The following GRM5 variants were observed in gnomAD, a reference collection of about 807,000 sequenced individuals.
GRM5 encodes the protein metabotropic glutamate receptor 5.
GRM5 carries 19 observed loss-of-function variants against 83.1 expected under a neutral mutation model. The ratio of observed to expected loss-of-function variants is 0.23; its 90% CI spans 0.16 to 0.34. The LOEUF (loss-of-function observed/expected upper bound fraction) is 0.34. GRM5 is among the 10% of genes least tolerant of loss of function. The probability of loss-of-function intolerance (pLI) is 1.00; values close to 1 mark genes in which losing one functional copy is unlikely to be tolerated. For missense variants in GRM5, 1,160 were observed against 1,588.3 expected, an observed-to-expected ratio of 0.73 and a Z score of 4.58; for synonymous variants, 675 against 633.6, an observed-to-expected ratio of 1.07 and a Z score of -0.98.
At chr11:88,980,682 G>A (rs1187825999) in intron 2 of GRM5, among the ~76,000 whole-genome samples, 2 of 151,994 alleles carry the variant, frequency 1.3e-5, no homozygotes, top group East Asian at 1.9e-4. Flanking sequence ...AGTTAGTCGG[G>A]CGTGGTGGCA....
At chr11:88,708,684 T>G (rs140799440) in intron 3 of GRM5, among the ~76,000 whole-genome samples, 2 of 152,144 alleles carry the variant, frequency 1.3e-5, no homozygotes, top group East Asian at 3.9e-4. Context: ...TAATTTACTT[T>G]TTCTAAATTT....
At chr11:88,559,927 G>T (rs1183536900) in intron 8 of GRM5, among the ~76,000 whole-genome samples, 1 of 152,144 alleles carries the variant, frequency 6.6e-6, no homozygotes, top group Non-Finnish European at 1.5e-5. Context: ...ACTTAATGCA[G>T]TCTCAGAGGG....
chr11:88,727,060 G>A (rs906759423), intron 3 of GRM5, among the ~76,000 whole-genome samples: 1 of 152,138 alleles, frequency 6.6e-6, no homozygotes, highest in African/African-American at 2.4e-5. Context: ...AAATGTAAAT[G>A]GGCTAAATGC....
At chr11:88,542,832 G>A (rs572186331) in intron 8 of GRM5, among the ~76,000 whole-genome samples, 3 of 152,190 alleles carry the variant, frequency 2.0e-5, no homozygotes, top group African/African-American at 7.2e-5. Context: ...ACTTTGGGAG[G>A]AAGAGGCTGG....
intron 3 of GRM5, among the ~76,000 whole-genome samples, chr11:88,755,802 T>A (rs1230723708): frequency 6.6e-6 from 1 of 152,104 alleles, no homozygotes; most frequent in Non-Finnish European, 1.5e-5. Context: ...TCTGGCACTT[T>A]TATTGTCAAG....
At chr11:88,985,737 G>T (rs1296425153) in intron 2 of GRM5, among the ~76,000 whole-genome samples, 1 of 152,024 alleles carries the variant, frequency 6.6e-6, no homozygotes, top group Admixed American at 6.6e-5. Context: ...AGCATTTTTT[G>T]TCCTTTTCTA....
chr11:88,988,954 A>G (rs1401279618), intron 2 of GRM5, among the ~76,000 whole-genome samples: 3 of 149,768 alleles, frequency 2.0e-5, no homozygotes, highest in Admixed American at 6.7e-5. Flanking sequence ...TGCATCAACT[A>G]ATGAGCAAAA....
chr11:88,792,420 G>A (rs1320219911), intron 3 of GRM5, among the ~76,000 whole-genome samples: 1 of 152,098 alleles, frequency 6.6e-6, no homozygotes, highest in Admixed American at 6.6e-5. Context: ...CTAAACATAT[G>A]TGGTAATGTG....
chr11:88,860,800 T>C (rs1319731239), intron 2 of GRM5, among the ~76,000 whole-genome samples: 2 of 152,164 alleles, frequency 1.3e-5, no homozygotes, highest in East Asian at 1.9e-4. Context: ...TGCACTGTCA[T>C]TGTTGCCAAA....
chr11:88,853,234 G>C (rs1469763286), intron 2 of GRM5, among the ~76,000 whole-genome samples: 1 of 152,060 alleles, frequency 6.6e-6, no homozygotes, highest in East Asian at 1.9e-4. Flanking sequence ...GTCAATCATT[G>C]ATTTTCAACC....
At chr11:88,944,598 A>C (rs576442035) in intron 2 of GRM5, among the ~76,000 whole-genome samples, 1 of 151,838 alleles carries the variant, frequency 6.6e-6, no homozygotes, top group Non-Finnish European at 1.5e-5. Context: ...CATGCAGTAC[A>C]TTAGATCTCC....
chr11:88,770,134 A>C (rs1408361769), intron 3 of GRM5, among the ~76,000 whole-genome samples: 1 of 152,094 alleles, frequency 6.6e-6, no homozygotes, highest in Non-Finnish European at 1.5e-5. Context: ...CATTCTAAAA[A>C]ATGCCTGACC....
intron 2 of GRM5, among the ~76,000 whole-genome samples, chr11:89,000,968 C>T (rs900347371): frequency 4.0e-5 from 5 of 126,524 alleles, no homozygotes; most frequent in Non-Finnish European, 5.5e-5. Context: ...TTATTGGCCA[C>T]CAGGGAAATG....
intron 2 of GRM5, among the ~76,000 whole-genome samples, chr11:88,895,482 G>C (rs1945214932): frequency 6.6e-6 from 1 of 151,744 alleles, no homozygotes; most frequent in African/African-American, 2.4e-5. Flanking sequence ...CATTATAATT[G>C]AATAATATAG....
intron 3 of GRM5, among the ~76,000 whole-genome samples, chr11:88,759,454 C>T (rs550272054): frequency 6.6e-5 from 10 of 152,136 alleles, no homozygotes; most frequent in Admixed American, 2.6e-4. Flanking sequence ...AGAATTTAAA[C>T]CAACAAACAT....
intron 8 of GRM5, among the ~76,000 whole-genome samples, chr11:88,528,036 C>T (rs1311931685): frequency 6.6e-6 from 1 of 151,984 alleles, no homozygotes; most frequent in East Asian, 1.9e-4. Context: ...CCCTGCAAAA[C>T]ACAACTTACC....
chr11:88,755,007 T>A (rs1212363438), intron 3 of GRM5, among the ~76,000 whole-genome samples: 2 of 152,144 alleles, frequency 1.3e-5, no homozygotes, highest in Non-Finnish European at 1.5e-5. Flanking sequence ...AACAGAGATA[T>A]ATAGTCCCCA....
chr11:88,957,349 G>A (rs1387596865), intron 2 of GRM5, among the ~76,000 whole-genome samples: 2 of 152,200 alleles, frequency 1.3e-5, no homozygotes, highest in East Asian at 3.9e-4. Flanking sequence ...CAGAAGAGGA[G>A]GACTGTGGAT....
At chr11:88,779,598 T>TAAAG (rs929577300) in intron 3 of GRM5, among the ~76,000 whole-genome samples, 1 of 152,064 alleles carries the variant, frequency 6.6e-6, no homozygotes, top group Admixed American at 6.6e-5. Context: ...ATTTCAGAAT[T>TAAAG]AAAGAAATTA....
Sources: allele counts gnomAD v4.1 joint callset (sites outside exome capture counted in the v4.1 genomes callset), GRCh38; gene constraint gnomAD v4.1.1; transcripts MANE v1.5; gene names NCBI Gene and HGNC (gene_info 2026-07-23, HGNC 2026-07-21).